Variants in SLC12A7 observed in about 807,000 individuals in gnomAD.
The protein encoded by SLC12A7 is K-Cl cotransporter 4.
Under a neutral mutation model 120.6 loss-of-function variants are expected in SLC12A7, and 100 were observed. The ratio of observed to expected loss-of-function variants is 0.83; its 90% confidence interval spans 0.71 to 0.98. The LOEUF is 0.98. Ranked by LOEUF, SLC12A7 falls within the 50% of genes least tolerant of loss-of-function variation. The pLI is 0.00. For synonymous variants in SLC12A7, 760 were observed against 678.0 expected (o/e 1.12, Z -1.88); for missense variants, 1,373 against 1,548.1 (o/e 0.89, Z 1.90).
chr5:1,086,963 G>T lies in SLC12A7; in HGVS notation c.615C>A (p.Phe205Leu), dbSNP rs1739928275. 1 of 1,612,786 alleles carries T rather than the reference G, an allele frequency of 6.2e-7. No individual in the cohort carries two copies. The highest frequency in any genetic ancestry group is 2.2e-5 in the East Asian group (1 of 44,898). The change falls in exon 6 of 24, where the codon TTC becomes TTA. Residue 205 changes from phenylalanine (F) to leucine (L), a missense_variant. Transcript: ENST00000264930. ...CCCCTGCAAACGTCGTGCCCAGGTAGAAGCAGAGGCCGACAGCGCCTCCAA... is the reference window on the plus strand; with the variant it reads ...CCCCTGCAAACGTCGTGCCCAGGTATAAGCAGAGGCCGACAGCGCCTCCAA... Reference protein sequence around the residue: ...PEFGGAVGLCFYLGTTFAGAM... With the variant: ...PEFGGAVGLCLYLGTTFAGAM...
Position 1,076,211 on chromosome 5 carries a change from C to T in SLC12A7, c.1774G>A (p.Val592Met), listed in dbSNP as rs1738317194. 4 of 1,611,738 alleles carry T rather than the reference C, an allele frequency of 2.5e-6. No homozygotes were observed. The highest frequency in any genetic ancestry group is 1.3e-5 in the African/African-American group (1 of 75,058). ...SMFFLMCYLFVNLACAVQTLL... is the reference protein window; with the variant it reads ...SMFFLMCYLFMNLACAVQTLL... ...GTCTGCACGGCGCAGGCCAGGTTCA[C>T]GAACAGGTAGCACATGAGGAAGAAC... Residue 592 changes from valine (V) to methionine (M), a missense_variant, in exon 14 of 24, where the codon GTG (valine) becomes ATG (methionine). By Grantham distance (21) the Val-to-Met change is conservative. Coordinates refer to ENST00000264930, the MANE Select transcript of SLC12A7 (RefSeq NM_006598.3).
Position 1,081,637 on chromosome 5 carries a change from G to A in SLC12A7, c.1237C>T (p.Leu413Phe). The change falls in exon 9 of 24, where the codon CTC (leucine) becomes TTC (phenylalanine). Residue 413 changes from leucine (L) to phenylalanine (F), a missense_variant. Physicochemically the swap from Leu to Phe is conservative, Grantham distance 22 (BLOSUM62 0). Transcript: ENST00000264930. The stretch of plus-strand genomic sequence containing the variant: ...GTGAAGGAGGCCGCGATGTCGGTGA[G>A]CACGTAGGGCAGTGCGCTGGCACGG... Reference protein sequence around the residue: ...ESRASALPYVLTDIAASFTLL... With the variant: ...ESRASALPYVFTDIAASFTLL... The A allele has an allele frequency of 6.2e-7, 1 of 1,612,794 alleles. No individual in the cohort carries two copies. The highest frequency in any genetic ancestry group is 2.2e-5 in the East Asian group (1 of 44,844).
At chr5:1,090,424 C>A (rs994531746) in intron 3 of SLC12A7, among the ~76,000 whole-genome samples, 1 of 152,168 alleles carries the variant, frequency 6.6e-6, no homozygotes, top group Non-Finnish European at 1.5e-5. Context: ...CTGACGGGGG[C>A]CCTGGAGAGG....
rs569044780 is a variant in SLC12A7, at chr5:1,054,312, C to T, written c.3027-830G>A. ...GGTCCATGTCTCAAAGCGTCCCTGG[C>T]GGCCTGGGCCCGGCCACAGCCCCAC... On this transcript the variant is annotated intron_variant, in intron 22 of 23. Coordinates refer to ENST00000264930, the MANE Select transcript of SLC12A7 (RefSeq NM_006598.3). Among the ~76,000 whole-genome samples the T allele has an allele frequency of 1.1e-3, 163 of 152,370 alleles. No individual in the cohort carries two copies. In the Middle Eastern group the frequency reaches 0.027, roughly 25 times the overall value.
chr5:1,086,880 C>A (rs1253505179), intron 6 of SLC12A7, 23 bp downstream of exon 6: 1 of 1,610,176 alleles, frequency 6.2e-7, no homozygotes, highest in Non-Finnish European at 8.5e-7. Flanking sequence ...GGGGTGGGAA[C>A]CCTTCCAAAG....
chr5:1,094,614 G>C (rs1344536018), intron 1 of SLC12A7, among the ~76,000 whole-genome samples: 1 of 152,216 alleles, frequency 6.6e-6, no homozygotes, highest in Non-Finnish European at 1.5e-5. Context: ...CTCGGCAAGT[G>C]AGCTGTTCAG....
At chr5:1,052,967 G>C (rs1047044667) in intron 23 of SLC12A7, among the ~76,000 whole-genome samples, 2 of 152,192 alleles carry the variant, frequency 1.3e-5, no homozygotes, top group African/African-American at 4.8e-5. Context: ...TTAAAGCCGA[G>C]AGCTGGGCTC....
chr5:1,137,070 C>T, the SLC12A7 span, among the ~76,000 whole-genome samples: 2 of 145,410 alleles, frequency 1.4e-5, no homozygotes, highest in African/African-American at 5.7e-5. Context: ...TGCAGACACA[C>T]GTGTGTCTAC....
chr5:1,113,134 T>C (rs1249259820), upstream of SLC12A7, among the ~76,000 whole-genome samples: 2 of 152,204 alleles, frequency 1.3e-5, no homozygotes, highest in East Asian at 1.9e-4. Flanking sequence ...CAATGGGGAA[T>C]TGGGCTAAAA....
chr5:1,105,993 A>C (rs957317333), intron 1 of SLC12A7, among the ~76,000 whole-genome samples: 2 of 152,094 alleles, frequency 1.3e-5, no homozygotes, highest in Admixed American at 6.5e-5. Context: ...CTCCTGCCCC[A>C]CCCACCACAC....
rs539048084 is a variant in SLC12A7 at position 1,081,762 on chromosome 5, T to A, written c.1130-18A>T. The A allele has an allele frequency of 6.2e-6, 10 of 1,603,826 alleles. No homozygotes were observed. Among genetic ancestry groups the A allele is most frequent in the South Asian group, 3.3e-5 (3 of 90,632 alleles). On this transcript the variant is annotated intron_variant, in intron 8 of 23. Coordinates refer to ENST00000264930, the MANE Select transcript of SLC12A7 (RefSeq NM_006598.3). ...CAGGTTCTCTGCCGGGCAAGGAAGA[T>A]CCCATGGGTTTCTGGCACCTTCTGT...
chr5:1,081,237 A>C (rs1739063796), intron 9 of SLC12A7, among the ~76,000 whole-genome samples: 1 of 152,150 alleles, frequency 6.6e-6, no homozygotes, highest in South Asian at 2.1e-4. Flanking sequence ...GAGGCTGAGG[A>C]TGGCTTGAGC....
At chr5:1,113,465 G>T (rs183043580), upstream of SLC12A7, among the ~76,000 whole-genome samples, 9 of 152,314 alleles carry the variant, frequency 5.9e-5, no homozygotes, top group African/African-American at 2.2e-4. Context: ...TTTGCCCCAT[G>T]GACTCTTCTG....
the SLC12A7 span, among the ~76,000 whole-genome samples, chr5:1,118,180 C>G: frequency 1.9e-3 from 296 of 152,358 alleles, 1 homozygote; most frequent in African/African-American, 6.3e-3. Flanking sequence ...ATCCCTCTTT[C>G]CCTATTGCGA....
chr5:1,102,924 G>C (rs1025134849), intron 1 of SLC12A7, among the ~76,000 whole-genome samples: 5 of 152,084 alleles, frequency 3.3e-5, no homozygotes, highest in Non-Finnish European at 7.4e-5. Flanking sequence ...GAAGGCGCGA[G>C]GACCCAGGAA....
At chr5:1,097,483 C>T (rs768360817) in intron 1 of SLC12A7, among the ~76,000 whole-genome samples, 7 of 152,186 alleles carry the variant, frequency 4.6e-5, no homozygotes, top group African/African-American at 1.4e-4. Flanking sequence ...GGATTAATAT[C>T]GAGAAATTCA....
rs757315743 is a variant in SLC12A7 at position 1,078,032 on chromosome 5, G to C, written c.1455-25C>G. 14 of 1,538,102 alleles carry C rather than the reference G, an allele frequency of 9.1e-6. 1 individual carries two copies. In the South Asian group the frequency reaches 1.4e-4, roughly 16 times the overall value. On this transcript the variant is annotated intron_variant, in intron 11 of 23. Coordinates refer to ENST00000264930, the MANE Select transcript of SLC12A7 (RefSeq NM_006598.3). ...CCTGCAGGCAGGCGGGCAGGCGGGC[G>C]GGCGGCTTTCAGAAGTGAGCCTGAG...
At chr5:1,058,589 A>G (rs1292175515) in intron 21 of SLC12A7, among the ~76,000 whole-genome samples, 3 of 152,246 alleles carry the variant, frequency 2.0e-5, no homozygotes, top group Non-Finnish European at 4.4e-5. Flanking sequence ...TCACTGGACC[A>G]GGTTCTTCTT....
chr5:1,076,117 G>A lies in SLC12A7; in HGVS notation c.1847+21C>T, dbSNP rs780233189. 6.1e-5 allele frequency: 97 copies of A among 1,590,566 alleles called. 2 individuals carry two copies. In the South Asian group the frequency reaches 7.7e-4, roughly 13 times the overall value. On this transcript the variant is annotated intron_variant, in intron 14 of 23. Transcript: ENST00000264930. ...TGTCCCAGCCTGTGGGGCTCCTCAC[G>A]CCCGTGCTGAGTGGCCTCACCAGTG... is the stretch of plus-strand genomic sequence containing the variant.
Sources: gnomAD v4.1 joint callset for allele counts (sites outside exome capture counted in the v4.1 genomes callset) on GRCh38, gnomAD v4.1.1 for gene constraint, MANE v1.5 for transcripts, NCBI Gene and HGNC (gene_info 2026-07-23, HGNC 2026-07-21) for gene names.